The following CGNL1 variants were observed in gnomAD, a reference collection of about 807,000 sequenced individuals.
The protein encoded by CGNL1 is cingulin-like protein 1.
In CGNL1, 132 loss-of-function variants were observed where a neutral mutation model predicts 141.2. That is an observed-to-expected ratio of 0.93 (90% CI 0.81 to 1.08). The LOEUF is 1.08. Among genes scored for constraint, CGNL1 ranks in the 50% least tolerant of loss-of-function variants. The pLI is 0.00. For missense variants in CGNL1, 1,870 were observed against 1,588.6 expected (o/e 1.18, Z -3.01); for synonymous variants, 690 against 622.1 (o/e 1.11, Z -1.63).
chr15:57,475,487 AGTGTGGT>A (rs1414507243), intron 8 of CGNL1, among the ~76,000 whole-genome samples: 40 of 137,330 alleles, frequency 2.9e-4, no homozygotes, highest in African/African-American at 1.1e-3. Flanking sequence ...TGTATATACA[AGTGTGGT>A]GTGTGTGTGT....
At chr15:57,414,146 A>G (rs1294844730) in intron 1 of CGNL1, among the ~76,000 whole-genome samples, 1 of 152,172 alleles carries the variant, frequency 6.6e-6, no homozygotes, top group Non-Finnish European at 1.5e-5. Flanking sequence ...GGCTGCCTAC[A>G]TCAGCTGGGC....
intron 12 of CGNL1, chr15:57,527,250 C>T (rs529699399): frequency 1.5e-5 from 2 of 134,136 alleles, no homozygotes; most frequent in Non-Finnish European, 1.8e-5. Flanking sequence ...TAGAAATGCC[C>T]AGTGCTCCTG....
chr15:57,506,371 T>C (rs2064103024), intron 8 of CGNL1, among the ~76,000 whole-genome samples: 1 of 152,226 alleles, frequency 6.6e-6, no homozygotes, highest in African/African-American at 2.4e-5. Context: ...GTGGCTCTCA[T>C]GGTGAGGGAA....
chr15:57,516,572 C>T (rs377473249), intron 8 of CGNL1, among the ~76,000 whole-genome samples: 241 of 152,288 alleles, frequency 1.6e-3, no homozygotes, highest in African/African-American at 5.2e-3. Flanking sequence ...AATGGAAGGG[C>T]GTGGCTATGT....
chr15:57,538,693 C>G (rs2032397783), intron 14 of CGNL1, among the ~76,000 whole-genome samples: 2 of 152,122 alleles, frequency 1.3e-5, no homozygotes, highest in African/African-American at 2.4e-5. Flanking sequence ...TGTCCTGAAC[C>G]CCCAGGCTGG....
At chr15:57,399,549 T>G (rs1429055037) in intron 1 of CGNL1, among the ~76,000 whole-genome samples, 1 of 151,878 alleles carries the variant, frequency 6.6e-6, no homozygotes, top group Non-Finnish European at 1.5e-5. Flanking sequence ...ATAGTTGTTT[T>G]TTTTTTTTTT....
intron 1 of CGNL1, among the ~76,000 whole-genome samples, chr15:57,419,187 C>T (rs1274748251): frequency 6.6e-6 from 1 of 152,174 alleles, no homozygotes; most frequent in African/African-American, 2.4e-5. Context: ...GCCTCGGCCT[C>T]CCAAAGTGCT....
intron 1 of CGNL1, among the ~76,000 whole-genome samples, chr15:57,408,375 G>A (rs2062746668): frequency 6.6e-6 from 1 of 152,012 alleles, no homozygotes; most frequent in East Asian, 1.9e-4. Context: ...CTCACTCAGA[G>A]ACAAATCTTT....
Position 57,438,020 on chromosome 15 carries a change from A to C in CGNL1, c.21A>C (p.Glu7Asp). The change falls in exon 2 of 19, where the codon GAA becomes GAC. Residue 7 changes from glutamate (E) to aspartate (D), a missense_variant. Physicochemically the swap from Glu to Asp is conservative, Grantham distance 45. Transcript: ENST00000281282. ...GAACCATGGAGCTGTATTTCGGTGA[A>C]TATCAACATGTGCAGCAGGAATATG... The part of the protein sequence containing the change: MELYFG[E>D]YQHVQQEYGV... The C allele has an allele frequency of 6.2e-7, 1 of 1,612,764 alleles. No individual in the cohort carries two copies. The highest frequency in any genetic ancestry group is 1.1e-5 in the South Asian group (1 of 91,064).
rs373752703 is a variant in CGNL1 at position 57,439,029 on chromosome 15, G to T, written c.1030G>T (p.Asp344Tyr). ...TCCCTTCCTGCCAGGAACTGGACGGGATATTGATACAGGATCAATTCCTGG... is the reference window on the plus strand; with the variant it reads ...TCCCTTCCTGCCAGGAACTGGACGGTATATTGATACAGGATCAATTCCTGG... ...YIPFLPGTGRDIDTGSIPGVD... is the reference protein window; with the variant it reads ...YIPFLPGTGRYIDTGSIPGVD... Residue 344 changes from aspartate (D) to tyrosine (Y), a missense_variant, in exon 2 of 19, where the codon GAT becomes TAT. By Grantham distance (160) the Asp-to-Tyr change is radical. Coordinates refer to ENST00000281282, the MANE Select transcript of CGNL1 (RefSeq NM_032866.5). 3 of 1,614,098 alleles carry T rather than the reference G, an allele frequency of 1.9e-6. No individual in the cohort carries two copies. The African/African-American group carries it at 4.0e-5, about 22-fold the overall frequency.
chr15:57,539,496 C>T (rs1272961841), intron 14 of CGNL1, among the ~76,000 whole-genome samples: 1 of 152,188 alleles, frequency 6.6e-6, no homozygotes, highest in Non-Finnish European at 1.5e-5. Context: ...GCATTTCTTG[C>T]ACACCCTCGT....
At chr15:57,460,293 G>C (rs2063429283) in intron 7 of CGNL1, among the ~76,000 whole-genome samples, 1 of 152,142 alleles carries the variant, frequency 6.6e-6, no homozygotes, top group Non-Finnish European at 1.5e-5. Context: ...GGACTGTCTT[G>C]GTAGAGCAGG....
chr15:57,458,916 T>A (rs530431366), intron 7 of CGNL1, among the ~76,000 whole-genome samples: 1 of 152,360 alleles, frequency 6.6e-6, no homozygotes, highest in South Asian at 2.1e-4. Flanking sequence ...AGATTCTTGA[T>A]GGGCAAAATC....
intron 1 of CGNL1, among the ~76,000 whole-genome samples, chr15:57,404,816 G>T (rs1394538108): frequency 6.6e-6 from 1 of 152,194 alleles, no homozygotes; most frequent in Non-Finnish European, 1.5e-5. Flanking sequence ...TGTCAAGAGG[G>T]TACTTGGGAA....
chr15:57,468,569 TGTGTGTGTGTGTGTG>T (rs2063540872), intron 8 of CGNL1, among the ~76,000 whole-genome samples: 2 of 121,360 alleles, frequency 1.6e-5, no homozygotes, highest in Non-Finnish European at 4.1e-5. Flanking sequence ...CGTGTGTGTG[TGTGTGTGTGTGTGTG>T]TGTGTGTTAA....
chr15:57,440,616 G>T lies in CGNL1; in HGVS notation c.1697+145G>T, dbSNP rs571304925. 4 of 660,226 alleles carry T rather than the reference G, an allele frequency of 6.1e-6. No homozygotes were observed. The South Asian group carries it at 7.2e-5, about 12-fold the overall frequency. 40.9% of individuals were successfully genotyped at this position (660,226 alleles called of 1,614,324 possible). A position where few individuals can be genotyped will look rare whatever the true frequency, so the allele number is the denominator to read the frequency against. ...TTAAAACTCAATGGCTGGGGTTTTC[G>T]TGACGGCATTTGTCTTGTGTGGTAT... On this transcript the variant is annotated intron_variant, in intron 3 of 18. Transcript: ENST00000281282.
chr15:57,502,073 G>A (rs1450963517), intron 8 of CGNL1, among the ~76,000 whole-genome samples: 1 of 152,206 alleles, frequency 6.6e-6, no homozygotes, highest in Non-Finnish European at 1.5e-5. Flanking sequence ...CTTGCAGGGA[G>A]CGTTGTTTTG....
chr15:57,510,173 C>T (rs989396421), intron 8 of CGNL1, among the ~76,000 whole-genome samples: 2 of 152,122 alleles, frequency 1.3e-5, no homozygotes, highest in Admixed American at 1.3e-4. Context: ...GAAGTCCTTC[C>T]CTTTTGGGAA....
chr15:57,494,224 T>A (rs1366814952), intron 8 of CGNL1, among the ~76,000 whole-genome samples: 1 of 152,234 alleles, frequency 6.6e-6, no homozygotes, highest in East Asian at 1.9e-4. Flanking sequence ...TCTCAAGGTA[T>A]AGCCATCAAA....
Sources: allele counts gnomAD v4.1 joint callset (sites outside exome capture counted in the v4.1 genomes callset), GRCh38; gene constraint gnomAD v4.1.1; transcripts MANE v1.5; gene names NCBI Gene and HGNC (gene_info 2026-07-23, HGNC 2026-07-21).